Variants in PIK3C2A observed in about 807,000 individuals in gnomAD.
PIK3C2A encodes the protein phosphatidylinositol 4-phosphate 3-kinase C2 domain-containing subunit alpha.
Under a neutral mutation model 204.5 loss-of-function variants are expected in PIK3C2A, and 97 were observed. That is an observed-to-expected ratio of 0.47 (90% CI 0.40 to 0.56). The LOEUF (loss-of-function observed/expected upper bound fraction) is 0.56. Ranked by LOEUF, PIK3C2A falls within the 20% of genes least tolerant of loss-of-function variation. The pLI, the probability that PIK3C2A is intolerant of heterozygous loss-of-function variation, is 0.00. For missense variants in PIK3C2A, 1,735 were observed against 1,969.2 expected, an observed-to-expected ratio of 0.88 and a Z score of 2.25; for synonymous variants, 653 against 664.4, an observed-to-expected ratio of 0.98 and a Z score of 0.26.
In PIK3C2A at chr11:17,114,342, T is replaced by C. The variant is rs755736115; in HGVS notation, c.3321+19A>G. The C allele has an allele frequency of 8.6e-7, 1 of 1,163,474 alleles. No individual in the cohort carries two copies. Among genetic ancestry groups the C allele is most frequent in the South Asian group, 1.2e-5 (1 of 81,880 alleles). The allele number at this position is 1,163,474 out of a possible 1,614,324, so 72.1% of individuals were successfully genotyped here. On this transcript the variant is annotated intron_variant, in intron 20 of 32. Transcript: ENST00000691414. ...TATTTTCAAATGTAATATGAACTTA[T>C]AAGTATTTTATGTGTCACCTTAATA...
In PIK3C2A at chr11:17,169,335, G is replaced by A. The variant is rs147046712; in HGVS notation, c.407C>T (p.Thr136Ile). Residue 136 changes from threonine (T) to isoleucine (I), a missense_variant, in exon 2 of 33, where the codon ACT becomes ATT. Thr to Ile is a moderately conservative substitution (Grantham distance 89). This residue lies in a region of PIK3C2A where 536 missense variants were observed against 546.7 expected (regional missense o/e 0.98). Coordinates refer to ENST00000691414, the MANE Select transcript of PIK3C2A (RefSeq NM_002645.4). ...SFSAQLYFRP[T>I]IQRGQWPPGL... ...AGGTGGCCACTGTCCTCTCTGAATAGTAGGTCTAAAATAGAGCTGTGCTGA... is the reference window on the plus strand; with the variant it reads ...AGGTGGCCACTGTCCTCTCTGAATAATAGGTCTAAAATAGAGCTGTGCTGA... The A allele has an allele frequency of 3.0e-5, 48 of 1,613,984 alleles. No homozygotes were observed. Among genetic ancestry groups the A allele is most frequent in the Non-Finnish European group, 2.7e-5 (32 of 1,180,000 alleles).
chr11:17,099,170 C>T (rs1848543743), intron 26 of PIK3C2A, among the ~76,000 whole-genome samples: 1 of 152,176 alleles, frequency 6.6e-6, no homozygotes, highest in Non-Finnish European at 1.5e-5. Flanking sequence ...GCTGGGATTA[C>T]AGGCGTGAGC....
chr11:17,189,893 C>T (rs1851884917), intron 1 of PIK3C2A, among the ~76,000 whole-genome samples: 1 of 148,534 alleles, frequency 6.7e-6, no homozygotes, highest in African/African-American at 2.5e-5. Flanking sequence ...GAAAATGTGA[C>T]CAATGGTAAG....
chr11:17,197,124 G>A (rs544242612), intron 1 of PIK3C2A, among the ~76,000 whole-genome samples: 1 of 151,578 alleles, frequency 6.6e-6, no homozygotes, highest in African/African-American at 2.4e-5. Context: ...CAGCTCAAGC[G>A]ATCCTCCCGC....
At chr11:17,097,542 G>A (rs1163102512) in intron 26 of PIK3C2A, among the ~76,000 whole-genome samples, 2 of 152,106 alleles carry the variant, frequency 1.3e-5, no homozygotes, top group African/African-American at 2.4e-5. Context: ...GATGATGATT[G>A]GTATAATGCT....
At chr11:17,189,039 C>A (rs1052741030) in intron 1 of PIK3C2A, among the ~76,000 whole-genome samples, 7 of 146,808 alleles carry the variant, frequency 4.8e-5, no homozygotes, top group South Asian at 2.1e-4. Context: ...AACCTCCCAG[C>A]GACCTAAAAA....
intron 28 of PIK3C2A, among the ~76,000 whole-genome samples, chr11:17,094,007 C>CA (rs1359773302): frequency 2.0e-5 from 3 of 152,122 alleles, no homozygotes; most frequent in African/African-American, 7.2e-5. Context: ...GTAGAGACAG[C>CA]AAAGTTAAAG....
chr11:17,092,553 T>A (rs1848339790), intron 28 of PIK3C2A, among the ~76,000 whole-genome samples: 1 of 152,110 alleles, frequency 6.6e-6, no homozygotes, highest in Non-Finnish European at 1.5e-5. Flanking sequence ...ATACCTATAA[T>A]CCCAGCTACT....
chr11:17,149,505 A>G (rs1206938951), intron 4 of PIK3C2A, among the ~76,000 whole-genome samples: 3 of 152,184 alleles, frequency 2.0e-5, no homozygotes, highest in Non-Finnish European at 2.9e-5. Flanking sequence ...AGCAGTATCT[A>G]GCAAACAATG....
At chr11:17,090,009 G>C in intron 32 of PIK3C2A, 89 bp from the exon 33 acceptor site, 1 of 949,708 alleles carries the variant, frequency 1.1e-6, no homozygotes, top group Non-Finnish European at 1.6e-6. Flanking sequence ...GAGAATATTA[G>C]CCAAAGAGTG....
intron 25 of PIK3C2A, among the ~76,000 whole-genome samples, chr11:17,100,872 G>A (rs1452798222): frequency 6.6e-6 from 1 of 152,090 alleles, no homozygotes; most frequent in Non-Finnish European, 1.5e-5. Context: ...TAGTGGGTTC[G>A]TGTTTTTTAC....
chr11:17,175,422 T>C (rs1851306049), intron 1 of PIK3C2A, among the ~76,000 whole-genome samples: 1 of 152,252 alleles, frequency 6.6e-6, no homozygotes, highest in Non-Finnish European at 1.5e-5. Context: ...AGTAACCCTG[T>C]GCTTCAGCTG....
rs112160024 is a variant in PIK3C2A, at chr11:17,181,123, C to T, written c.-65-11317G>A. ...CATACCCTTTCTGGACACTATCTCC[C>T]GGCACCTCTATGTGTTCACCAACCC... On this transcript the variant is annotated intron_variant, in intron 1 of 32. Transcript: ENST00000691414. Among the ~76,000 whole-genome samples, 375 of 152,192 alleles carry T rather than the reference C, an allele frequency of 2.5e-3. 1 individual carries two copies. Among genetic ancestry groups the T allele is most frequent in the East Asian group, 6.9e-3 (36 of 5,184 alleles).
chr11:17,101,901 C>T (rs1174327997), intron 24 of PIK3C2A, among the ~76,000 whole-genome samples: 2 of 151,856 alleles, frequency 1.3e-5, no homozygotes, highest in South Asian at 2.1e-4. Flanking sequence ...CTGCACCCGG[C>T]CTCTAAAATA....
At chr11:17,151,526 T>C (rs998718399) in intron 3 of PIK3C2A, among the ~76,000 whole-genome samples, 16 of 152,104 alleles carry the variant, frequency 1.1e-4, no homozygotes, top group African/African-American at 3.9e-4. Flanking sequence ...TCTGGAGAGG[T>C]AGCACATGTA....
chr11:17,145,241 CAAT>C (rs1850197231), intron 8 of PIK3C2A, among the ~76,000 whole-genome samples: 1 of 151,872 alleles, frequency 6.6e-6, no homozygotes, highest in Non-Finnish European at 1.5e-5. Context: ...GCCAGGGGCA[CAAT>C]GATGTGGTTT....
At chr11:17,148,423 T>C (rs530092548) in intron 5 of PIK3C2A, 76 of 409,738 alleles carry the variant, frequency 1.9e-4, no homozygotes, top group African/African-American at 1.4e-3. Flanking sequence ...CCTGAAACTC[T>C]TCCTGTAAAG....
chr11:17,150,756 T>C, intron 3 of PIK3C2A, 101 bp from the exon 4 acceptor site: 1 of 689,814 alleles, frequency 1.4e-6, no homozygotes, highest in Non-Finnish European at 2.2e-6. Context: ...GTTCTGTGTC[T>C]TTGTCCAACT....
intron 24 of PIK3C2A, among the ~76,000 whole-genome samples, chr11:17,101,667 G>A (rs942535997): frequency 8.0e-5 from 12 of 149,382 alleles, no homozygotes; most frequent in East Asian, 5.9e-4. Flanking sequence ...GCAGTGGCGC[G>A]ATCTAGGCTC....
Sources: gnomAD v4.1 joint callset for allele counts (sites outside exome capture counted in the v4.1 genomes callset) on GRCh38, gnomAD v4.1.1 for gene constraint, gnomAD v4.1.1 regional missense constraint, MANE v1.5 for transcripts, NCBI Gene and HGNC (gene_info 2026-07-23, HGNC 2026-07-21) for gene names.